The following ADAMTSL3 variants were observed in gnomAD, a reference collection of about 807,000 sequenced individuals.
The protein encoded by ADAMTSL3 is ADAMTS-like protein 3.
A neutral mutation model predicts 201.7 loss-of-function variants in ADAMTSL3; 128 were observed. That is an observed-to-expected ratio of 0.63 (90% CI 0.55 to 0.73). The LOEUF is 0.73. Ranked by LOEUF, ADAMTSL3 falls within the 30% of genes least tolerant of loss-of-function variation. The pLI is 0.00. For missense variants in ADAMTSL3, 1,990 were observed against 2,119.6 expected, an observed-to-expected ratio of 0.94 and a Z score of 1.20; for synonymous variants, 738 against 748.4, an observed-to-expected ratio of 0.99 and a Z score of 0.23.
intron 3 of ADAMTSL3, among the ~76,000 whole-genome samples, chr15:83,720,226 AAAAT>A (rs533385738): frequency 6.1e-4 from 93 of 152,300 alleles, no homozygotes; most frequent in Non-Finnish European, 1.1e-3. Flanking sequence ...CTCATTTTAA[AAAAT>A]AAATAAATAA....
At chr15:83,973,996 T>C (rs986813100) in intron 20 of ADAMTSL3, among the ~76,000 whole-genome samples, 2 of 152,118 alleles carry the variant, frequency 1.3e-5, no homozygotes, top group Non-Finnish European at 2.9e-5. Flanking sequence ...GTGGGAAAGA[T>C]GTCTTCTGCT....
chr15:83,969,984 A>G (rs1029141069), intron 19 of ADAMTSL3, among the ~76,000 whole-genome samples: 7 of 152,348 alleles, frequency 4.6e-5, no homozygotes, highest in Admixed American at 2.0e-4. Flanking sequence ...GATTGTGGTA[A>G]TGGTGTCATA....
chr15:83,859,284 G>A (rs941324471), intron 8 of ADAMTSL3, among the ~76,000 whole-genome samples: 3 of 152,238 alleles, frequency 2.0e-5, no homozygotes, highest in African/African-American at 7.2e-5. Context: ...TTGGTTAAGA[G>A]AGGGAAGTTT....
At chr15:83,838,335 T>C in intron 7 of ADAMTSL3, 120 bp downstream of exon 7, 1 of 1,309,536 alleles carries the variant, frequency 7.6e-7, no homozygotes, top group Non-Finnish European at 1.0e-6. Flanking sequence ...TTTGTACCAA[T>C]TTTCTAAAAG....
At chr15:83,655,881 C>G (rs1279415885) in intron 2 of ADAMTSL3, 51 bp downstream of exon 2, 1 of 1,550,232 alleles carries the variant, frequency 6.5e-7, no homozygotes, top group Non-Finnish European at 8.9e-7. Context: ...CCTCTGTTTA[C>G]TCAGAGGCAT....
chr15:84,035,639 C>T (rs959207912), intron 28 of ADAMTSL3, among the ~76,000 whole-genome samples: 3 of 152,204 alleles, frequency 2.0e-5, no homozygotes, highest in South Asian at 4.1e-4. Flanking sequence ...TCTCAGAGTT[C>T]TTGGATATCA....
intron 2 of ADAMTSL3, among the ~76,000 whole-genome samples, chr15:83,686,036 C>T (rs1312839224): frequency 1.3e-5 from 2 of 152,132 alleles, no homozygotes; most frequent in Non-Finnish European, 2.9e-5. Context: ...CTGGCCTCTT[C>T]TCCACAGCCT....
At chr15:83,863,657 A>G (rs2064913941) in intron 8 of ADAMTSL3, among the ~76,000 whole-genome samples, 1 of 152,204 alleles carries the variant, frequency 6.6e-6, no homozygotes, top group South Asian at 2.1e-4. Flanking sequence ...CCACAAGAGA[A>G]AGCAGGAAAG....
chr15:83,700,408 T>C (rs2061755413), intron 2 of ADAMTSL3, among the ~76,000 whole-genome samples: 1 of 152,258 alleles, frequency 6.6e-6, no homozygotes, highest in African/African-American at 2.4e-5. Context: ...AGCTATAGTT[T>C]ACTCATTTTT....
intron 7 of ADAMTSL3, among the ~76,000 whole-genome samples, chr15:83,846,256 A>G (rs564417498): frequency 9.9e-4 from 151 of 152,312 alleles, no homozygotes; most frequent in Non-Finnish European, 1.8e-3. Context: ...GACATTATTT[A>G]TTCTTAACAT....
chr15:83,847,054 G>A (rs745548295), intron 7 of ADAMTSL3, among the ~76,000 whole-genome samples: 7 of 152,178 alleles, frequency 4.6e-5, no homozygotes, highest in Non-Finnish European at 7.3e-5. Context: ...ACGTCAGGTT[G>A]GGAGCAGATG....
At chr15:83,851,592 A>G (rs1368431615) in intron 7 of ADAMTSL3, among the ~76,000 whole-genome samples, 4 of 152,214 alleles carry the variant, frequency 2.6e-5, no homozygotes, top group Non-Finnish European at 5.9e-5. Flanking sequence ...TTTCAAAACA[A>G]TTTTTATTAC....
chr15:83,976,255 G>C (rs4374136), intron 20 of ADAMTSL3, among the ~76,000 whole-genome samples: 25,116 of 152,014 alleles, frequency 0.17, 2,712 homozygotes, highest in Middle Eastern at 0.35. Flanking sequence ...TGATGTCATT[G>C]AATGCAGAGT....
At chr15:83,750,148 A>G (rs754525453) in intron 3 of ADAMTSL3, among the ~76,000 whole-genome samples, 21 of 152,248 alleles carry the variant, frequency 1.4e-4, no homozygotes, top group Non-Finnish European at 2.6e-4. Context: ...TATGGATTCA[A>G]GCTGAACCAG....
intron 4 of ADAMTSL3, among the ~76,000 whole-genome samples, chr15:83,784,994 A>G (rs566144452): frequency 6.6e-6 from 1 of 152,246 alleles, no homozygotes; most frequent in African/African-American, 2.4e-5. Context: ...AAGCAGCATT[A>G]TTTCAATGCT....
chr15:83,883,142 CTATTTTATTTTATTTTATTTTATTT>C (rs201289538), intron 9 of ADAMTSL3, among the ~76,000 whole-genome samples: 1 of 37,346 alleles, frequency 2.7e-5, no homozygotes, highest in African/African-American at 2.0e-4. Context: ...AATACTATTT[CTATTTTATTTTATTTTATTTTATTT>C]TATTTTATTT....
intron 2 of ADAMTSL3, among the ~76,000 whole-genome samples, chr15:83,679,025 T>C (rs2061444745): frequency 6.6e-6 from 1 of 151,316 alleles, no homozygotes; most frequent in South Asian, 2.1e-4. Context: ...TTATTTTCAG[T>C]ATATTTTCTT....
intron 3 of ADAMTSL3, among the ~76,000 whole-genome samples, chr15:83,731,440 C>T (rs979417850): frequency 3.9e-5 from 6 of 152,020 alleles, no homozygotes. Context: ...AAAAGGAACT[C>T]TTATATGCTG....
chr15:83,787,430 G>T (rs2063282276), intron 4 of ADAMTSL3, among the ~76,000 whole-genome samples: 1 of 152,082 alleles, frequency 6.6e-6, no homozygotes, highest in Non-Finnish European at 1.5e-5. Flanking sequence ...CTATAGTATG[G>T]GTCTGTGGGA....
Sources: allele counts gnomAD v4.1 joint callset (sites outside exome capture counted in the v4.1 genomes callset), GRCh38; gene constraint gnomAD v4.1.1; transcripts MANE v1.5; gene names NCBI Gene and HGNC (gene_info 2026-07-23, HGNC 2026-07-21).